DISC1: variants seen among roughly 807,000 people sequenced by gnomAD.
DISC1 encodes DISC1 scaffold protein, also known as disrupted in schizophrenia 1 protein.
DISC1 carries 57 observed loss-of-function variants against 84.5 expected under a neutral mutation model. The observed-to-expected ratio is 0.67, with a 90% confidence interval of 0.55 to 0.84. The LOEUF is 0.84. Ranked by LOEUF, DISC1 falls within the 40% of genes least tolerant of loss-of-function variation. The probability of loss-of-function intolerance (pLI) is 0.00; values close to 1 mark genes in which losing one functional copy is unlikely to be tolerated. For missense variants in DISC1, 1,000 were observed against 1,057.8 expected (o/e 0.95, Z 0.76); for synonymous variants, 411 against 415.2 (o/e 0.99, Z 0.12).
intron 10 of DISC1, among the ~76,000 whole-genome samples, chr1:231,988,005 G>T (rs1664689267): frequency 6.6e-6 from 1 of 152,100 alleles, no homozygotes; most frequent in African/African-American, 2.4e-5. Flanking sequence ...GACCAATATG[G>T]TGAAACCCCG....
At chr1:231,834,069 C>T (rs1343647248) in intron 9 of DISC1, among the ~76,000 whole-genome samples, 1 of 152,106 alleles carries the variant, frequency 6.6e-6, no homozygotes, top group Admixed American at 6.5e-5. Flanking sequence ...AGCCTAAACA[C>T]TATCTGATTT....
chr1:231,963,528 C>T (rs1182639950), intron 10 of DISC1, among the ~76,000 whole-genome samples: 1 of 151,962 alleles, frequency 6.6e-6, no homozygotes, highest in Non-Finnish European at 1.5e-5. Context: ...TCCCAGCCCA[C>T]CCCTCACCCT....
chr1:231,965,840 C>G (rs576580599), intron 10 of DISC1, among the ~76,000 whole-genome samples: 1 of 152,340 alleles, frequency 6.6e-6, no homozygotes, highest in South Asian at 2.1e-4. Context: ...CTCTATAAAG[C>G]CTTTCTGGCC....
chr1:231,961,635 G>A (rs927391512), intron 10 of DISC1, among the ~76,000 whole-genome samples: 1 of 152,070 alleles, frequency 6.6e-6, no homozygotes, highest in Non-Finnish European at 1.5e-5. Context: ...TGCAGTGTTT[G>A]GTTTTTCGTT....
chr1:232,026,438 T>A lies in DISC1; in HGVS notation c.2311T>A (p.Ser771Thr), dbSNP rs777194183. The stretch of plus-strand genomic sequence containing the variant: ...CTTGTTTTCCCCCTCTCGCCAGGAA[T>A]CTTACATCCTTTCTGCAGAACTTGG... ...HCAGGEQKEE[S>T]YILSAELGEK... Residue 771 changes from serine (S) to threonine (T), a missense_variant, in exon 12 of 13, where the codon TCT (serine) becomes ACT (threonine). Physicochemically the swap from Ser to Thr is moderately conservative, Grantham distance 58. This residue lies in a region of DISC1 where 397 missense variants were observed against 377.5 expected (regional missense o/e 1.05). Coordinates refer to ENST00000439617, the MANE Select transcript of DISC1 (RefSeq NM_018662.3). The A allele has an allele frequency of 6.3e-7, 1 of 1,598,452 alleles. No individual in the cohort carries two copies. The highest frequency in any genetic ancestry group is 1.1e-5 in the South Asian group (1 of 87,998).
intron 9 of DISC1, among the ~76,000 whole-genome samples, chr1:231,909,127 T>C (rs2088960207): frequency 6.6e-6 from 1 of 152,190 alleles, no homozygotes; most frequent in East Asian, 1.9e-4. Flanking sequence ...AAGGGACAAT[T>C]TGACTTCCTC....
intron 3 of DISC1, among the ~76,000 whole-genome samples, chr1:231,732,848 A>C (rs2071709516): frequency 6.6e-6 from 1 of 152,168 alleles, no homozygotes; most frequent in African/African-American, 2.4e-5. Flanking sequence ...CGGAGGTGAT[A>C]GTAGCAGTGG....
chr1:231,692,345 A>G (rs2065144418), intron 1 of DISC1, among the ~76,000 whole-genome samples: 1 of 152,132 alleles, frequency 6.6e-6, no homozygotes, highest in Non-Finnish European at 1.5e-5. Flanking sequence ...GCTCCCCGCA[A>G]TTGGCAAGAG....
chr1:231,640,467 T>C (rs1344987232), intron 1 of DISC1, among the ~76,000 whole-genome samples: 2 of 138,160 alleles, frequency 1.4e-5, no homozygotes, highest in African/African-American at 5.2e-5. Flanking sequence ...CAGTATGCTC[T>C]GAGTGGGAGT....
intron 10 of DISC1, among the ~76,000 whole-genome samples, chr1:231,976,732 C>T (rs1469093810): frequency 6.6e-6 from 1 of 152,082 alleles, no homozygotes; most frequent in Non-Finnish European, 1.5e-5. Context: ...GAAACAAGAG[C>T]TTTTAAAAAT....
intron 9 of DISC1, among the ~76,000 whole-genome samples, chr1:231,867,930 AG>A (rs1272713962): frequency 2.0e-5 from 3 of 152,220 alleles, no homozygotes; most frequent in Non-Finnish European, 4.4e-5. Flanking sequence ...GCTATTCGCA[AG>A]GGAGAGAAAA....
intron 10 of DISC1, among the ~76,000 whole-genome samples, chr1:231,984,410 G>C (rs1201072708): frequency 6.6e-6 from 1 of 152,196 alleles, no homozygotes; most frequent in East Asian, 1.9e-4. Context: ...ACAGAAAAGA[G>C]GGGGAAAGTT....
chr1:231,882,524 A>C (rs895747264), intron 9 of DISC1, among the ~76,000 whole-genome samples: 4 of 152,236 alleles, frequency 2.6e-5, no homozygotes, highest in Non-Finnish European at 5.9e-5. Flanking sequence ...ACTTCTCCTT[A>C]CATAAATCCT....
At chr1:231,634,221 A>T (rs2058999323) in intron 1 of DISC1, among the ~76,000 whole-genome samples, 1 of 152,154 alleles carries the variant, frequency 6.6e-6, no homozygotes, top group Admixed American at 6.5e-5. Context: ...TGGATTGATT[A>T]TTGGACTTTA....
In DISC1 at chr1:231,986,608, A is replaced by G. The variant is rs147988554; in HGVS notation, c.2043-22177A>G. Among the ~76,000 whole-genome samples, 392 of 152,286 alleles carry G rather than the reference A, an allele frequency of 2.6e-3. 3 individuals carry two copies. The highest frequency in any genetic ancestry group is 8.6e-3 in the African/African-American group (357 of 41,568). The stretch of plus-strand genomic sequence containing the variant: ...CAGTAGGAAACAAACAGAGAAGTAA[A>G]TATTTGCTACAAAATGTCTTTCTGC... On this transcript the variant is annotated intron_variant, in intron 10 of 12. Transcript: ENST00000439617.
intron 5 of DISC1, among the ~76,000 whole-genome samples, chr1:231,769,346 A>G (rs939070820): frequency 3.3e-5 from 5 of 152,256 alleles, no homozygotes; most frequent in African/African-American, 9.6e-5. Context: ...GTTATACACA[A>G]TAGCCAAAAG....
chr1:231,766,676 C>T (rs905350073), intron 4 of DISC1, among the ~76,000 whole-genome samples: 1 of 152,076 alleles, frequency 6.6e-6, no homozygotes, highest in Non-Finnish European at 1.5e-5. Context: ...TGTTATATTT[C>T]CCCAAAATTA....
chr1:232,041,236 TC>T lies in DISC1; in HGVS notation c.*4406del, dbSNP rs1670773190. The T allele has an allele frequency of 1.3e-5, 2 of 152,214 alleles. No individual in the cohort carries two copies. 9.4% of individuals were successfully genotyped at this position (152,214 alleles called of 1,614,324 possible). On this transcript the variant is annotated 3_prime_UTR_variant, in exon 13 of 13. Coordinates refer to ENST00000439617, the MANE Select transcript of DISC1 (RefSeq NM_018662.3). ...CAGGATGATTAATTGTACAGTTACA[TC>T]ACACGAAACATTTATAATAAAGTCA...
chr1:231,806,898 G>T lies in DISC1; in HGVS notation c.1792+6688G>T, dbSNP rs188379575. 2.1e-4 allele frequency among the ~76,000 whole-genome samples: 32 copies of T among 152,326 alleles called. 1 individual carries two copies. In the East Asian group the frequency reaches 4.3e-3, roughly 20 times the overall value. On this transcript the variant is annotated intron_variant, in intron 8 of 12. Coordinates refer to ENST00000439617, the MANE Select transcript of DISC1 (RefSeq NM_018662.3). ...GTGGCACTACAGCAAGTGTGTGGTG[G>T]GTGCGGCTGACTTGTGCTCTGTGGC...
Sources: allele counts gnomAD v4.1 joint callset (sites outside exome capture counted in the v4.1 genomes callset), GRCh38; gene constraint gnomAD v4.1.1; regional missense constraint gnomAD v4.1.1; transcripts MANE v1.5; gene names NCBI Gene and HGNC (gene_info 2026-07-23, HGNC 2026-07-21).